The following HEMK1 variants were observed in gnomAD, a reference collection of about 807,000 sequenced individuals.
The protein encoded by HEMK1 is HemK methyltransferase 1, mitochondrial release factors N(5)-glutamine, also known as MTRF1L release factor glutamine methyltransferase.
A neutral mutation model predicts 47.9 loss-of-function variants in HEMK1; 36 were observed. That is an observed-to-expected ratio of 0.75 (90% CI 0.58 to 0.99). HEMK1 has a LOEUF of 0.99. HEMK1 is among the 50% of genes least tolerant of loss of function. The probability of loss-of-function intolerance (pLI) is 0.00; values close to 1 mark genes in which losing one functional copy is unlikely to be tolerated. For missense variants in HEMK1, 383 were observed against 434.5 expected, an observed-to-expected ratio of 0.88 and a Z score of 1.05; for synonymous variants, 153 against 165.4, an observed-to-expected ratio of 0.93 and a Z score of 0.57.
chr3:50,576,951 C>T, intron 4 of HEMK1, 101 bp from the exon 5 acceptor site: 1 of 1,434,298 alleles, frequency 7.0e-7, no homozygotes, highest in Non-Finnish European at 9.6e-7. Flanking sequence ...TTGGCTACCT[C>T]CCCTTCCTAC....
At chr3:50,579,722 T>C in intron 8 of HEMK1, 122 bp from the exon 9 acceptor site, 1 of 691,120 alleles carries the variant, frequency 1.4e-6, no homozygotes, top group South Asian at 1.9e-5. Flanking sequence ...GTCCTCAGAT[T>C]TGCCCTTCAG....
chr3:50,569,924 T>G (rs1700728724), intron 1 of HEMK1: 3 of 152,172 alleles, frequency 2.0e-5, no homozygotes, highest in Admixed American at 2.0e-4. Flanking sequence ...AACTTCCGCC[T>G]GCTTGAACTG....
At position 50,583,562 on chromosome 3, in the gene HEMK1, T is replaced by G. The variant is rs2031057875; in HGVS notation, c.*3145T>G. ...TGACAAGGTTTGAGAACTGCTGGCT[T>G]GAGGTGAGAACCCCTTTAACCTCTG... On this transcript the variant is annotated 3_prime_UTR_variant, in exon 11 of 11. Transcript: ENST00000232854. 1 of 152,274 alleles carries G rather than the reference T, an allele frequency of 6.6e-6. No individual in the cohort carries two copies. Among genetic ancestry groups the G allele is most frequent in the Non-Finnish European group, 1.5e-5 (1 of 68,070 alleles). The allele number at this position is 152,274 out of a possible 1,614,324, so 9.4% of individuals were successfully genotyped here.
rs748341971 is a variant in HEMK1, at chr3:50,593,928, T to C, written c.*13511T>C. ...TTTCAGTAGAGACGGGGTTTTGCCA[T>C]GTTGGCCAGGCTGGTCTCGAACTCC... On this transcript the variant is annotated 3_prime_UTR_variant, in exon 11 of 11. Coordinates refer to ENST00000232854, the MANE Select transcript of HEMK1 (RefSeq NM_016173.5). The C allele has an allele frequency of 2.0e-5, 3 of 152,094 alleles. No individual in the cohort carries two copies. The highest frequency in any genetic ancestry group is 4.8e-5 in the African/African-American group (2 of 41,418). The allele number at this position is 152,094 out of a possible 1,614,324, so 9.4% of individuals were successfully genotyped here.
At chr3:50,578,663 C>G (rs565994240) in intron 7 of HEMK1, among the ~76,000 whole-genome samples, 158 bp from the exon 8 acceptor site, 1 of 152,348 alleles carries the variant, frequency 6.6e-6, no homozygotes, top group South Asian at 2.1e-4. Flanking sequence ...AGGCTGCCAG[C>G]TGGGGACCCT....
rs187340301 is a variant in HEMK1, at chr3:50,570,963, C to T, written c.-142C>T. ...ACCAACTATATCTGAGGACCAGAGC[C>T]ATTTTGGGGCACCAGAGCTTGTGAC... On this transcript the variant is annotated 5_prime_UTR_variant, in exon 2 of 11. Transcript: ENST00000232854. 1.3e-3 allele frequency: 769 copies of T among 578,762 alleles called. 5 individuals are homozygous for T. In the African/African-American group the frequency reaches 0.014, roughly 10 times the overall value. The allele number at this position is 578,762 out of a possible 1,614,324, so 35.9% of individuals were successfully genotyped here.
intron 5 of HEMK1, 59 bp downstream of exon 5, chr3:50,577,245 A>G: frequency 1.3e-6 from 2 of 1,552,630 alleles, no homozygotes; most frequent in Non-Finnish European, 1.8e-6. Flanking sequence ...CCCTCCCATT[A>G]GTGCTTCCCC....
rs2031165125 is a variant in HEMK1 at position 50,584,454 on chromosome 3, A to T, written c.*4037A>T. On this transcript the variant is annotated 3_prime_UTR_variant, in exon 11 of 11. Coordinates refer to ENST00000232854, the MANE Select transcript of HEMK1 (RefSeq NM_016173.5). ...TGCAGATGTGATTAAGGATCTTGAG[A>T]TGGAAGGAGTATCCTGGATTTTTCA... 1 of 152,244 alleles carries T rather than the reference A, an allele frequency of 6.6e-6. No homozygotes were observed. Among genetic ancestry groups the T allele is most frequent in the African/African-American group, 2.4e-5 (1 of 41,472 alleles). The allele number at this position is 152,244 out of a possible 1,614,324, so 9.4% of individuals were successfully genotyped here.
chr3:50,578,002 A>G, intron 7 of HEMK1, 127 bp downstream of exon 7: 1 of 847,076 alleles, frequency 1.2e-6, no homozygotes, highest in Non-Finnish European at 2.0e-6. Flanking sequence ...CAACACACAC[A>G]CATACACGTG....
At chr3:50,577,453 C>T in intron 5 of HEMK1, 56 bp from the exon 6 acceptor site, 1 of 1,549,458 alleles carries the variant, frequency 6.5e-7, no homozygotes, top group Non-Finnish European at 8.9e-7. Flanking sequence ...GGCCCAGTAT[C>T]TTCCAGCATC....
At chr3:50,574,268 C>T (rs986413338) in intron 4 of HEMK1, among the ~76,000 whole-genome samples, 2 of 152,202 alleles carry the variant, frequency 1.3e-5, no homozygotes, top group East Asian at 1.9e-4. Flanking sequence ...GAGCCACCAG[C>T]GTTAGGCTGA....
intron 1 of HEMK1, chr3:50,570,326 A>G (rs140596202): frequency 6.6e-6 from 1 of 152,372 alleles, no homozygotes; most frequent in East Asian, 1.9e-4. Context: ...CTTTAAATAT[A>G]CAATTGTAAA....
At chr3:50,578,716 G>T in intron 7 of HEMK1, 105 bp from the exon 8 acceptor site, 2 of 738,588 alleles carry the variant, frequency 2.7e-6, no homozygotes, top group South Asian at 3.5e-5. Flanking sequence ...CCAGAGGCAG[G>T]CCCAAGGTGT....
rs759249346 is a variant in HEMK1, at chr3:50,577,489, T to C, written c.550-20T>C. ...TCTCAGCATTGCCTTCCACATATCC[T>C]CTGTTTGTTCTTGGGACAGAGCCGA... On this transcript the variant is annotated intron_variant, in intron 5 of 10. Coordinates refer to ENST00000232854, the MANE Select transcript of HEMK1 (RefSeq NM_016173.5). The C allele has an allele frequency of 1.3e-5, 21 of 1,612,724 alleles. No individual in the cohort carries two copies. In the East Asian group the frequency reaches 4.7e-4, roughly 36 times the overall value.
At position 50,588,816 on chromosome 3, in the gene HEMK1, G is replaced by T; in HGVS notation, c.*8399G>T. The T allele has an allele frequency of 6.6e-6, 1 of 152,312 alleles. No homozygotes were observed. The allele number at this position is 152,312 out of a possible 1,614,324, so 9.4% of individuals were successfully genotyped here. A position where few individuals can be genotyped will look rare whatever the true frequency, so the allele number is the denominator to read the frequency against. ...CTAGGCCTGTGAGGTTCTGGGATGAGGCACCAGATGGATGTGTCTAAAAAC... is the reference window on the plus strand; with the variant it reads ...CTAGGCCTGTGAGGTTCTGGGATGATGCACCAGATGGATGTGTCTAAAAAC... On this transcript the variant is annotated 3_prime_UTR_variant, in exon 11 of 11. Transcript: ENST00000232854.
intron 1 of HEMK1, chr3:50,570,569 A>G (rs1473753622): frequency 6.6e-6 from 1 of 152,282 alleles, no homozygotes; most frequent in Non-Finnish European, 1.5e-5. Context: ...ATTGCTTGCC[A>G]TGGGTTTGGT....
rs1483657519 is a variant in HEMK1, at chr3:50,572,108, T to G, written c.321-7T>G. On this transcript the variant is annotated splice_region_variant and splice_polypyrimidine_tract_variant and intron_variant, in intron 3 of 10. Transcript: ENST00000232854. The stretch of plus-strand genomic sequence containing the variant: ...CCCTGATGACCACCCAGCTGCCCCC[T>G]CTGCAGGATGCCGGTGCAGTACATC... The G allele has an allele frequency of 6.2e-7, 1 of 1,613,760 alleles. No homozygotes were observed. The highest frequency in any genetic ancestry group is 8.5e-7 in the Non-Finnish European group (1 of 1,179,922).
At position 50,572,195 on chromosome 3, in the gene HEMK1, G is replaced by A. The variant is rs1406201658; in HGVS notation, c.401G>A (p.Arg134Gln). The change falls in exon 4 of 11, where the codon CGG becomes CAG. Residue 134 changes from arginine (R) to glutamine (Q), a missense_variant. By Grantham distance (43) the Arg-to-Gln change is conservative (BLOSUM62 1). Coordinates refer to ENST00000232854, the MANE Select transcript of HEMK1 (RefSeq NM_016173.5). ...ATGGTGCCCCCAGTGTTTATTCCTCGGCCAGAAACAGAGGTAGGTGTGCCA... is the reference window on the plus strand; with the variant it reads ...ATGGTGCCCCCAGTGTTTATTCCTCAGCCAGAAACAGAGGTAGGTGTGCCA... Reference protein sequence around the residue: ...LRMVPPVFIPRPETEELVEWV... With the variant: ...LRMVPPVFIPQPETEELVEWV... 28 of 1,611,796 alleles carry A rather than the reference G, an allele frequency of 1.7e-5. No individual in the cohort carries two copies. Among genetic ancestry groups the A allele is most frequent in the East Asian group, 6.7e-5 (3 of 44,860 alleles).
intron 4 of HEMK1, among the ~76,000 whole-genome samples, chr3:50,574,104 T>TG (rs1425774705): frequency 9.9e-5 from 15 of 152,194 alleles, no homozygotes; most frequent in Non-Finnish European, 1.8e-4. Flanking sequence ...GAGTCCATGT[T>TG]GGGGCAGCAG....
Sources: gnomAD v4.1 joint callset for allele counts (sites outside exome capture counted in the v4.1 genomes callset) on GRCh38, gnomAD v4.1.1 for gene constraint, MANE v1.5 for transcripts, NCBI Gene and HGNC (gene_info 2026-07-23, HGNC 2026-07-21) for gene names.